The following NEDD4L variants were observed in gnomAD, a reference collection of about 807,000 sequenced individuals.
The protein encoded by NEDD4L is NEDD4 like E3 ubiquitin protein ligase.
NEDD4L carries 54 observed loss-of-function variants against 148.9 expected under a neutral mutation model. The observed-to-expected ratio is 0.36, with a 90% confidence interval of 0.29 to 0.45. The LOEUF is 0.45. NEDD4L is among the 20% of genes least tolerant of loss of function. The probability of loss-of-function intolerance (pLI) is 1.00; values close to 1 mark genes in which losing one functional copy is unlikely to be tolerated. For synonymous variants in NEDD4L, 433 were observed against 440.7 expected, an observed-to-expected ratio of 0.98 and a Z score of 0.22; for missense variants, 856 against 1,233.8, an observed-to-expected ratio of 0.69 and a Z score of 4.59.
At chr18:58,338,322 C>T (rs563551555) in intron 13 of NEDD4L, among the ~76,000 whole-genome samples, 4 of 152,342 alleles carry the variant, frequency 2.6e-5, no homozygotes, top group Admixed American at 6.5e-5. Context: ...TCCTGGCGGG[C>T]CCTTCCATGG....
intron 2 of NEDD4L, among the ~76,000 whole-genome samples, chr18:58,203,011 AG>A (rs965103172): frequency 6.6e-6 from 1 of 152,096 alleles, no homozygotes; most frequent in African/African-American, 2.4e-5. Flanking sequence ...TTCGTCACCC[AG>A]GCTGAAGGAC....
chr18:58,070,627 A>G (rs1168817003), intron 1 of NEDD4L, among the ~76,000 whole-genome samples: 1 of 152,150 alleles, frequency 6.6e-6, no homozygotes, highest in Non-Finnish European at 1.5e-5. Flanking sequence ...GCTTTATGCA[A>G]GCCTCAAGGA....
chr18:58,370,820 G>A (rs1027330127), intron 23 of NEDD4L, among the ~76,000 whole-genome samples: 25 of 152,114 alleles, frequency 1.6e-4, no homozygotes, highest in Admixed American at 1.2e-3. Flanking sequence ...AGCTTCATCC[G>A]CTCTCCCTCT....
chr18:58,369,638 G>A (rs1382231683), intron 22 of NEDD4L, among the ~76,000 whole-genome samples: 2 of 152,330 alleles, frequency 1.3e-5, no homozygotes, highest in East Asian at 3.9e-4. Flanking sequence ...TGGGTGCCTG[G>A]TGGGGGGATG....
chr18:58,066,016 A>C (rs2082572200), intron 1 of NEDD4L, among the ~76,000 whole-genome samples: 1 of 152,252 alleles, frequency 6.6e-6, no homozygotes, highest in Non-Finnish European at 1.5e-5. Context: ...AGAAATAATC[A>C]GTCATACTCT....
At position 58,100,419 on chromosome 18, in the gene NEDD4L, A is replaced by T. The variant is rs112469302; in HGVS notation, c.48+55711A>T. On this transcript the variant is annotated intron_variant, in intron 1 of 30. Transcript: ENST00000400345. ...GGTTAAGGGACTTTCCCAAGGTGAT[A>T]AATTGTTTTAGCAAACAGATCCAGA... Among the ~76,000 whole-genome samples, 1,270 of 152,326 alleles carry T rather than the reference A, an allele frequency of 8.3e-3. 18 individuals are homozygous for T. Among genetic ancestry groups the T allele is most frequent in the African/African-American group, 0.029 (1,200 of 41,568 alleles).
At chr18:58,147,510 A>G (rs555168559) in intron 1 of NEDD4L, among the ~76,000 whole-genome samples, 3 of 152,308 alleles carry the variant, frequency 2.0e-5, no homozygotes, top group African/African-American at 7.2e-5. Flanking sequence ...TGGAGAAGAT[A>G]CTTGTTCTCT....
chr18:58,310,578 G>C (rs1053957309), intron 5 of NEDD4L, among the ~76,000 whole-genome samples: 2 of 152,226 alleles, frequency 1.3e-5, no homozygotes, highest in African/African-American at 4.8e-5. Context: ...CACCACCCAG[G>C]TGCAGAAACC....
rs1249037095 is a variant in NEDD4L, at chr18:58,256,504, G to A, written c.297+4450G>A. 3.2e-6 allele frequency: 4 copies of A among 1,232,152 alleles called. No homozygotes were observed. Among genetic ancestry groups the A allele is most frequent in the Non-Finnish European group, 4.0e-6 (4 of 988,054 alleles). 76.3% of individuals were successfully genotyped at this position (1,232,152 alleles called of 1,614,324 possible). ...TGGAGAGGAGCACCTCGTACCCCAC[G>A]CAGCCCCGAAGCGAGCGAGGGAGCC... On this transcript the variant is annotated intron_variant, in intron 5 of 30. Coordinates refer to ENST00000400345, the MANE Select transcript of NEDD4L (RefSeq NM_001144967.3). This position sits in a 1 kb window ranked among gnomAD's most constrained non-coding sequence, Gnocchi z 5.2.
intron 18 of NEDD4L, among the ~76,000 whole-genome samples, chr18:58,352,030 G>A (rs1485228785): frequency 2.6e-5 from 4 of 152,166 alleles, no homozygotes; most frequent in African/African-American, 7.2e-5. Context: ...AGGCCCTGGG[G>A]GTTGAGGGCT....
chr18:58,373,423 A>G (rs2047152765), intron 24 of NEDD4L, among the ~76,000 whole-genome samples, 154 bp downstream of exon 24: 3 of 152,176 alleles, frequency 2.0e-5, no homozygotes, highest in African/African-American at 7.2e-5. Context: ...CCTTTTTGTC[A>G]TGCCAAGACG....
chr18:58,368,374 A>T (rs1235243804), intron 22 of NEDD4L, among the ~76,000 whole-genome samples: 1 of 152,238 alleles, frequency 6.6e-6, no homozygotes, highest in Non-Finnish European at 1.5e-5. Context: ...AGATCATGGA[A>T]GAATTTCAAG....
At chr18:58,183,998 T>G (rs1186375922) in intron 2 of NEDD4L, among the ~76,000 whole-genome samples, 1 of 152,058 alleles carries the variant, frequency 6.6e-6, no homozygotes, top group Admixed American at 6.5e-5. Context: ...TGAAACCCCG[T>G]CTCTACTAAA....
chr18:58,122,187 A>C (rs1362196619), intron 1 of NEDD4L, among the ~76,000 whole-genome samples: 7 of 152,182 alleles, frequency 4.6e-5, no homozygotes, highest in African/African-American at 1.7e-4. Flanking sequence ...GGCAGTGTTT[A>C]GTTGCTGACA....
At chr18:58,219,114 A>G (rs1045160713) in intron 2 of NEDD4L, among the ~76,000 whole-genome samples, 1 of 152,176 alleles carries the variant, frequency 6.6e-6, no homozygotes, top group African/African-American at 2.4e-5. Flanking sequence ...TTCCAGTTAC[A>G]TTTTAATGCA....
At chr18:58,251,951 G>C (rs1406631243) in intron 4 of NEDD4L, 50 bp from the exon 5 acceptor site, 1 of 1,046,110 alleles carries the variant, frequency 9.6e-7, no homozygotes, top group Non-Finnish European at 1.5e-6. Context: ...TTACGTCGCT[G>C]TTCAAATGAT....
At chr18:58,087,543 G>A (rs182455610) in intron 1 of NEDD4L, among the ~76,000 whole-genome samples, 98 of 152,164 alleles carry the variant, frequency 6.4e-4, no homozygotes, top group African/African-American at 2.2e-3. Context: ...ATGTGTTGCC[G>A]CAGTACAGAT....
intron 8 of NEDD4L, among the ~76,000 whole-genome samples, chr18:58,323,629 A>G (rs2059041007): frequency 1.3e-5 from 2 of 152,170 alleles, no homozygotes; most frequent in South Asian, 4.1e-4. Context: ...ATTGAATCCT[A>G]TTATTGCTAT....
At chr18:58,115,245 C>CTTTTTT (rs60541981) in intron 1 of NEDD4L, among the ~76,000 whole-genome samples, 21 of 129,536 alleles carry the variant, frequency 1.6e-4, no homozygotes, top group African/African-American at 5.0e-4. Context: ...TTCTTTCTTT[C>CTTTTTT]TTTTTTTTTT....
Sources: gnomAD v4.1 joint callset for allele counts (sites outside exome capture counted in the v4.1 genomes callset) on GRCh38, gnomAD v4.1.1 for gene constraint, Gnocchi (gnomAD v3.1) non-coding constraint, MANE v1.5 for transcripts, NCBI Gene and HGNC (gene_info 2026-07-23, HGNC 2026-07-21) for gene names.